USP42: variants seen among roughly 807,000 people sequenced by gnomAD.
USP42 encodes the protein ubiquitin specific peptidase 42.
In USP42, 23 loss-of-function variants were observed where a neutral mutation model predicts 113.0. The ratio of observed to expected loss-of-function variants is 0.20; its 90% CI spans 0.15 to 0.29. The LOEUF is 0.29. USP42 is among the 10% of genes least tolerant of loss of function. The pLI, the probability that USP42 is intolerant of heterozygous loss-of-function variation, is 1.00. For missense variants in USP42, 2,174 were observed against 1,779.8 expected (o/e 1.22, Z -3.99); for synonymous variants, 933 against 699.0 (o/e 1.33, Z -5.28).
chr7:6,116,634 T>G, intron 3 of USP42: 1 of 383,598 alleles, frequency 2.6e-6, no homozygotes, highest in Non-Finnish European at 5.0e-6. Context: ...CTGATTTTTT[T>G]TTCCCTCCAA....
At chr7:6,153,697 A>C (rs1290932960) in intron 14 of USP42, 59 bp from the exon 15 acceptor site, 2 of 1,409,786 alleles carry the variant, frequency 1.4e-6, no homozygotes, top group Non-Finnish European at 1.9e-6. Context: ...TTGTAATGCA[A>C]TGACATGAGC....
intron 3 of USP42, among the ~76,000 whole-genome samples, chr7:6,123,824 C>A (rs1470659508): frequency 2.8e-5 from 4 of 143,362 alleles, no homozygotes; most frequent in African/African-American, 1.1e-4. Flanking sequence ...CGAAAGGAGA[C>A]CCTGTCTCAA....
chr7:6,153,930 G>T lies in USP42; in HGVS notation c.2376G>T (p.Glu792Asp). The change falls in exon 15 of 18, where the codon GAG becomes GAT. Residue 792 changes from glutamate to aspartate, a missense_variant. Physicochemically the swap from Glu to Asp is conservative, Grantham distance 45 (BLOSUM62 2). Transcript: ENST00000306177. ...CCGCTACCAAAGAAGGCGCCTGGGA[G>T]GCCATGGCCGTCGCCCCCGAGGAGC... ...GTPATKEGAWEAMAVAPEEPP... is the reference protein window; with the variant it reads ...GTPATKEGAWDAMAVAPEEPP... 1.3e-6 allele frequency: 2 copies of T among 1,599,834 alleles called. No homozygotes were observed. The highest frequency in any genetic ancestry group is 1.7e-6 in the Non-Finnish European group (2 of 1,175,592).
chr7:6,152,517 C>T (rs1392508573), intron 14 of USP42, among the ~76,000 whole-genome samples: 3 of 151,886 alleles, frequency 2.0e-5, no homozygotes, highest in Admixed American at 1.3e-4. Context: ...GTGGGAGTGC[C>T]CTCACTGAGG....
At chr7:6,082,242 C>T in the USP42 span, among the ~76,000 whole-genome samples, 23,695 of 151,326 alleles carry the variant, frequency 0.16, 2,207 homozygotes, top group East Asian at 0.45. Flanking sequence ...CATTCTCCTG[C>T]CTCAGCCTCC....
In USP42 at chr7:6,159,700, G is replaced by A. The variant is rs766755385; in HGVS notation, c.*36+207G>A. ...CTAGACCCTCCACCTCATCACGTTTGCATTACTGGCTGGGGAAGACCCGCA... is the reference window on the plus strand; with the variant it reads ...CTAGACCCTCCACCTCATCACGTTTACATTACTGGCTGGGGAAGACCCGCA... On this transcript the variant is annotated intron_variant, in intron 17 of 17. Coordinates refer to ENST00000306177, the MANE Select transcript of USP42 (RefSeq NM_032172.3). The surrounding 1 kb of genome is among the most constrained non-coding windows in gnomAD (Gnocchi z 4.1). 6.6e-6 allele frequency among the ~76,000 whole-genome samples: 1 copy of A among 152,338 alleles called. No homozygotes were observed. The highest frequency in any genetic ancestry group is 2.4e-5 in the African/African-American group (1 of 41,578).
At chr7:6,113,380 A>G (rs887400939) in intron 2 of USP42, among the ~76,000 whole-genome samples, 2 of 151,694 alleles carry the variant, frequency 1.3e-5, no homozygotes, top group Non-Finnish European at 2.9e-5. Context: ...ACGGCCTTCA[A>G]CCTCCTGTCA....
At chr7:6,101,067 T>C (rs1790113874), upstream of USP42, among the ~76,000 whole-genome samples, 1 of 150,798 alleles carries the variant, frequency 6.6e-6, no homozygotes, top group African/African-American at 2.5e-5. Context: ...GGGAGCGCTC[T>C]AGGGAGGAAG....
Position 6,157,249 on chromosome 7 carries a change from TAGC to T in USP42, c.3943+195_3943+197del. The T allele has an allele frequency of 1.5e-6, 2 of 1,350,072 alleles. No homozygotes were observed. The highest frequency in any genetic ancestry group is 1.9e-6 in the Non-Finnish European group (2 of 1,055,494). The allele number at this position is 1,350,072 out of a possible 1,614,324, so 83.6% of individuals were successfully genotyped here. ...TGGTTCCGTTGCACAGTTAAGCCCT[TAGC>T]GTTTATTGAAGGCCTAAGTGACACA... On this transcript the variant is annotated intron_variant, in intron 16 of 17. Transcript: ENST00000306177. The surrounding 1 kb of genome is among the most constrained non-coding windows in gnomAD (Gnocchi z 4.1).
chr7:6,091,400 T>A, the USP42 span, among the ~76,000 whole-genome samples: 1 of 150,104 alleles, frequency 6.7e-6, no homozygotes, highest in Admixed American at 6.6e-5. Context: ...CTAATTTTTT[T>A]AAGTTTTTGT....
chr7:6,114,682 T>A (rs866910014), intron 2 of USP42, among the ~76,000 whole-genome samples: 79 of 46,346 alleles, frequency 1.7e-3, no homozygotes, highest in East Asian at 0.015. Flanking sequence ...ATATATATTT[T>A]TTTTTTTTTT....
intron 2 of USP42, among the ~76,000 whole-genome samples, chr7:6,114,047 A>T (rs1049875140): frequency 6.6e-6 from 1 of 152,150 alleles, no homozygotes; most frequent in Non-Finnish European, 1.5e-5. Flanking sequence ...TTCCATTATC[A>T]TACTTAGTTA....
rs564072131 is a variant in USP42, at chr7:6,120,965, T to C, written c.442+5442T>C. Among the ~76,000 whole-genome samples the C allele has an allele frequency of 5.6e-4, 85 of 152,328 alleles. 2 individuals are homozygous for C. The South Asian group carries it at 0.012, about 22-fold the overall frequency. ...TTACTGATTGTTTATTGCTAGCATA[T>C]AGAAATACATTTTTCAGATTTTGAT... is the stretch of plus-strand genomic sequence containing the variant. On this transcript the variant is annotated intron_variant, in intron 3 of 17. Transcript: ENST00000306177.
intron 15 of USP42, among the ~76,000 whole-genome samples, chr7:6,156,482 C>T (rs1782450284): frequency 6.6e-6 from 1 of 152,188 alleles, no homozygotes; most frequent in Admixed American, 6.5e-5. Flanking sequence ...CAGGGTCTTG[C>T]TCTGTTGCCC....
chr7:6,097,776 G>A, the USP42 span, among the ~76,000 whole-genome samples: 4 of 150,266 alleles, frequency 2.7e-5, no homozygotes, highest in Non-Finnish European at 5.9e-5. Context: ...ATTTTTAGTA[G>A]AGGCGGGGTT....
At chr7:6,116,681 C>A in intron 3 of USP42, 2 of 470,374 alleles carry the variant, frequency 4.3e-6, no homozygotes, top group Non-Finnish European at 8.2e-6. Flanking sequence ...TTGGAAAGTA[C>A]AGAAAAACTT....
intron 3 of USP42, among the ~76,000 whole-genome samples, chr7:6,132,835 C>A (rs776727180): frequency 6.6e-6 from 1 of 152,138 alleles, no homozygotes; most frequent in East Asian, 1.9e-4. Flanking sequence ...CCACACCCGG[C>A]TAATTTTTTT....
At chr7:6,129,356 G>A (rs962172914) in intron 3 of USP42, among the ~76,000 whole-genome samples, 17 of 150,872 alleles carry the variant, frequency 1.1e-4, no homozygotes, top group South Asian at 4.3e-4. Flanking sequence ...AGGAGTTTGA[G>A]ACCAGCCTGG....
At position 6,153,738 on chromosome 7, in the gene USP42, T is replaced by C. The variant is rs1311571942; in HGVS notation, c.2202-18T>C. On this transcript the variant is annotated intron_variant, in intron 14 of 17. Transcript: ENST00000306177. ...AAGCCCACGCTAACGGGCGTGTTTG[T>C]TTGTTTGGGGGCTGCAGTGCACCTG... 3 of 1,433,688 alleles carry C rather than the reference T, an allele frequency of 2.1e-6. No homozygotes were observed. Among genetic ancestry groups the C allele is most frequent in the African/African-American group, 1.5e-5 (1 of 67,294 alleles). 88.8% of individuals were successfully genotyped at this position (1,433,688 alleles called of 1,614,324 possible).
Sources: allele counts gnomAD v4.1 joint callset (sites outside exome capture counted in the v4.1 genomes callset), GRCh38; gene constraint gnomAD v4.1.1; non-coding constraint Gnocchi (gnomAD v3.1); transcripts MANE v1.5; gene names NCBI Gene and HGNC (gene_info 2026-07-23, HGNC 2026-07-21).